The following CDH12 variants were observed in gnomAD, a reference collection of about 807,000 sequenced individuals.
CDH12 encodes cadherin 12.
A neutral mutation model predicts 74.1 loss-of-function variants in CDH12; 41 were observed. That is an observed-to-expected ratio of 0.55 (90% CI 0.43 to 0.72). CDH12 has a LOEUF of 0.72. CDH12 is among the 30% of genes least tolerant of loss of function. The pLI, the probability that CDH12 is intolerant of heterozygous loss-of-function variation, is 0.00. For missense variants in CDH12, 945 were observed against 977.2 expected (o/e 0.97, Z 0.44); for synonymous variants, 399 against 355.0 (o/e 1.12, Z -1.39).
chr5:22,694,082 G>A (rs992634295), intron 1 of CDH12, among the ~76,000 whole-genome samples: 3 of 152,008 alleles, frequency 2.0e-5, no homozygotes, highest in African/African-American at 7.3e-5. Flanking sequence ...TGGACTACAG[G>A]CACACGCTAC....
At chr5:22,499,196 G>C (rs916388010) in intron 2 of CDH12, among the ~76,000 whole-genome samples, 1 of 151,856 alleles carries the variant, frequency 6.6e-6, no homozygotes, top group Non-Finnish European at 1.5e-5. Context: ...TTATAGGCAT[G>C]ACCCACCGTG....
intron 1 of CDH12, among the ~76,000 whole-genome samples, chr5:22,655,844 A>T (rs1335474385): frequency 6.6e-6 from 1 of 152,234 alleles, no homozygotes; most frequent in Admixed American, 6.5e-5. Flanking sequence ...AAGTCTGACC[A>T]TAAGTGTGTA....
At chr5:21,847,365 A>T (rs561392567) in intron 7 of CDH12, among the ~76,000 whole-genome samples, 15 of 152,230 alleles carry the variant, frequency 9.9e-5, no homozygotes, top group Admixed American at 8.5e-4. Flanking sequence ...TGCTTCTGTA[A>T]CAAATTACCA....
intron 2 of CDH12, among the ~76,000 whole-genome samples, chr5:22,469,975 T>C (rs1745891359): frequency 6.6e-6 from 1 of 152,214 alleles, no homozygotes; most frequent in African/African-American, 2.4e-5. Context: ...GTCTTTTTTC[T>C]TCTTCTTCTT....
intron 2 of CDH12, among the ~76,000 whole-genome samples, chr5:22,466,867 C>A (rs1580679182): frequency 1.4e-5 from 2 of 141,938 alleles, no homozygotes; most frequent in African/African-American, 2.7e-5. Flanking sequence ...CGGCTCACTG[C>A]AACCTCTGCC....
intron 1 of CDH12, among the ~76,000 whole-genome samples, chr5:22,642,225 T>A (rs1739188746): frequency 6.6e-6 from 1 of 152,200 alleles, no homozygotes; most frequent in East Asian, 1.9e-4. Flanking sequence ...ATTATGTAAG[T>A]TAACATTCTG....
chr5:22,424,367 C>T (rs534551364), intron 2 of CDH12, among the ~76,000 whole-genome samples: 6 of 152,178 alleles, frequency 3.9e-5, no homozygotes, highest in African/African-American at 1.4e-4. Context: ...TGAAAGACAA[C>T]ATGTGAAAAA....
At chr5:22,467,587 G>T (rs538631316) in intron 2 of CDH12, among the ~76,000 whole-genome samples, 16 of 152,218 alleles carry the variant, frequency 1.1e-4, no homozygotes, top group Non-Finnish European at 2.1e-4. Flanking sequence ...GGAGGGACTT[G>T]GTCTTTCTTG....
At chr5:22,804,920 G>T (rs1009225210) in intron 1 of CDH12, among the ~76,000 whole-genome samples, 2 of 152,082 alleles carry the variant, frequency 1.3e-5, no homozygotes, top group African/African-American at 4.8e-5. Context: ...AGTAACTGTG[G>T]TTTTTATCTT....
At chr5:22,297,220 C>CA (rs1288234252) in intron 3 of CDH12, among the ~76,000 whole-genome samples, 9 of 152,064 alleles carry the variant, frequency 5.9e-5, no homozygotes, top group Non-Finnish European at 1.0e-4. Flanking sequence ...GGGGTTTCTC[C>CA]ATGTTGTTCA....
chr5:22,329,628 C>T (rs1739262812), intron 3 of CDH12, among the ~76,000 whole-genome samples: 1 of 152,172 alleles, frequency 6.6e-6, no homozygotes, highest in Non-Finnish European at 1.5e-5. Flanking sequence ...GTAAGACAGA[C>T]AGTTAAGACT....
chr5:22,384,977 A>C (rs13161912), intron 3 of CDH12, among the ~76,000 whole-genome samples: 2 of 152,210 alleles, frequency 1.3e-5, no homozygotes, highest in Non-Finnish European at 2.9e-5. Flanking sequence ...TTACAAAATA[A>C]AAATTATGTT....
At chr5:22,648,099 C>A (rs1225009577) in intron 1 of CDH12, among the ~76,000 whole-genome samples, 1 of 151,710 alleles carries the variant, frequency 6.6e-6, no homozygotes, top group African/African-American at 2.4e-5. Context: ...CTTATTTTAC[C>A]TGCCAACCTT....
chr5:22,681,586 T>A (rs1741497067), intron 1 of CDH12, among the ~76,000 whole-genome samples: 1 of 152,090 alleles, frequency 6.6e-6, no homozygotes, highest in Non-Finnish European at 1.5e-5. Context: ...AAGGAGCAAT[T>A]TGTGAATGTT....
At chr5:22,401,271 C>A (rs543736133) in intron 3 of CDH12, among the ~76,000 whole-genome samples, 107 of 152,084 alleles carry the variant, frequency 7.0e-4, no homozygotes, top group Non-Finnish European at 1.2e-3. Flanking sequence ...AGATTTAAAA[C>A]TTAGAACTCT....
intron 1 of CDH12, among the ~76,000 whole-genome samples, chr5:22,591,886 G>A (rs1490519747): frequency 6.6e-6 from 1 of 152,040 alleles, no homozygotes; most frequent in Non-Finnish European, 1.5e-5. Context: ...GCTAAACTTT[G>A]TCCTTTGATG....
rs1561225707 is a variant in CDH12 at position 21,833,301 on chromosome 5, T to TTATATGTTATATAACATATAATA, written c.814+8859_814+8860insTATTATATGTTATATAACATATA. 7.7e-5 allele frequency among the ~76,000 whole-genome samples: 4 copies of TTATATGTTATATAACATATAATA among 52,060 alleles called. 1 individual carries two copies. Among genetic ancestry groups the TTATATGTTATATAACATATAATA allele is most frequent in the Non-Finnish European group, 1.1e-4 (4 of 37,270 alleles). The allele number at this position is 52,060 out of a possible 152,430, so 34.2% of individuals were successfully genotyped here. ...TATGTTATATAACATATAATATATA[T>TTATATGTTATATAACATATAATA]TATATGTTATATGTTATATAATATA... On this transcript the variant is annotated intron_variant, in intron 8 of 14. Coordinates refer to ENST00000382254, the MANE Select transcript of CDH12 (RefSeq NM_004061.5).
chr5:22,122,664 T>C (rs938557539), intron 4 of CDH12, among the ~76,000 whole-genome samples: 4 of 152,178 alleles, frequency 2.6e-5, no homozygotes, highest in Non-Finnish European at 5.9e-5. Flanking sequence ...TTTTGTGAGG[T>C]ATTTGTGGAT....
chr5:22,091,742 T>TA (rs1743445208), intron 4 of CDH12, among the ~76,000 whole-genome samples: 1 of 151,912 alleles, frequency 6.6e-6, no homozygotes, highest in South Asian at 2.1e-4. Context: ...AGCAGAATAT[T>TA]AAAAACAGTC....
Sources: allele counts gnomAD v4.1 joint callset (sites outside exome capture counted in the v4.1 genomes callset), GRCh38; gene constraint gnomAD v4.1.1; transcripts MANE v1.5; gene names NCBI Gene and HGNC (gene_info 2026-07-23, HGNC 2026-07-21).